SLC1A2: variants seen among roughly 807,000 people sequenced by gnomAD.
The protein encoded by SLC1A2 is excitatory amino acid transporter 2.
In SLC1A2, 15 loss-of-function variants were observed where a neutral mutation model predicts 48.8. That is an observed-to-expected ratio of 0.31 (90% CI 0.21 to 0.47). SLC1A2 has a LOEUF of 0.47. Ranked by LOEUF, SLC1A2 falls within the 20% of genes least tolerant of loss-of-function variation. The pLI, the probability that SLC1A2 is intolerant of heterozygous loss-of-function variation, is 0.99. For missense variants in SLC1A2, 502 were observed against 730.5 expected (o/e 0.69, Z 3.61); for synonymous variants, 279 against 272.6 (o/e 1.02, Z -0.23).
chr11:35,389,046 A>T (rs1019226245), intron 1 of SLC1A2, among the ~76,000 whole-genome samples: 3 of 152,204 alleles, frequency 2.0e-5, no homozygotes, highest in Non-Finnish European at 2.9e-5. Flanking sequence ...AGTATGCAAT[A>T]TACCCACGTA....
rs1347739600 is a variant in SLC1A2 at position 35,259,923 on chromosome 11, A to G, written c.*971T>C. The G allele has an allele frequency of 6.6e-6, 1 of 152,246 alleles. No individual in the cohort carries two copies. Among genetic ancestry groups the G allele is most frequent in the Admixed American group, 6.5e-5 (1 of 15,288 alleles). 9.4% of individuals were successfully genotyped at this position (152,246 alleles called of 1,614,324 possible). On this transcript the variant is annotated 3_prime_UTR_variant, in exon 11 of 11. Transcript: ENST00000278379. ...TAAAATGACCAGGCTTTCTAGGACG[A>G]TGAGATGATGACTGAAATAATTGAC...
chr11:35,307,904 G>A (rs755401487), intron 4 of SLC1A2, among the ~76,000 whole-genome samples: 1 of 152,136 alleles, frequency 6.6e-6, no homozygotes, highest in Non-Finnish European at 1.5e-5. Flanking sequence ...GGAAGCCTAG[G>A]GCCTGCTGTG....
chr11:35,317,764 C>T (rs190716476), intron 1 of SLC1A2, among the ~76,000 whole-genome samples: 1 of 152,134 alleles, frequency 6.6e-6, no homozygotes, highest in Admixed American at 6.5e-5. Context: ...AGAGTTGCCC[C>T]CCGTGGTAAC....
chr11:35,387,243 T>G (rs1344237890), intron 1 of SLC1A2, among the ~76,000 whole-genome samples: 1 of 152,016 alleles, frequency 6.6e-6, no homozygotes, highest in Admixed American at 6.6e-5. Flanking sequence ...CTGGGGTGGG[T>G]GGGGGAAGAA....
Position 35,312,351 on chromosome 11 carries a change from G to A in SLC1A2, c.408C>T (p.Val136=), listed in dbSNP as rs771023896. 6.2e-7 allele frequency: 1 copy of A among 1,614,142 alleles called. No individual in the cohort carries two copies. The highest frequency in any genetic ancestry group is 8.5e-7 in the Non-Finnish European group (1 of 1,180,008). Residue 136 remains valine, a synonymous_variant, in exon 4 of 11, where the codon GTC becomes GTT. Coordinates refer to ENST00000278379, the MANE Select transcript of SLC1A2 (RefSeq NM_004171.4). ...STTIIAAVLG[V]ILVLAIHPGN... is the part of the protein sequence containing the mutation. Reference sequence around the variant, plus strand: ...CTGGATGGATAGCCAAGACCAGAATGACCCCCAGTACTGCAGCAATGATGG... The same window carrying A: ...CTGGATGGATAGCCAAGACCAGAATAACCCCCAGTACTGCAGCAATGATGG...
intron 1 of SLC1A2, among the ~76,000 whole-genome samples, chr11:35,331,427 C>A (rs1021569481): frequency 1.3e-5 from 2 of 152,208 alleles, no homozygotes; most frequent in Non-Finnish European, 2.9e-5. Context: ...TCCCAGCAGT[C>A]CAGTCAGTTT....
chr11:35,305,218 C>T (rs1213917192), intron 5 of SLC1A2, among the ~76,000 whole-genome samples: 1 of 152,148 alleles, frequency 6.6e-6, no homozygotes. Flanking sequence ...GGTAATAAAC[C>T]TCTGTCCCTC....
rs914169507 is a variant in SLC1A2, at chr11:35,301,707, A to T, written c.731-62T>A. The T allele has an allele frequency of 3.4e-6, 5 of 1,492,172 alleles. No individual in the cohort carries two copies. In the East Asian group the frequency reaches 1.1e-4, roughly 34 times the overall value. The allele number at this position is 1,492,172 out of a possible 1,614,324, so 92.4% of individuals were successfully genotyped here. On this transcript the variant is annotated intron_variant, in intron 5 of 10. Coordinates refer to ENST00000278379, the MANE Select transcript of SLC1A2 (RefSeq NM_004171.4). ...ACAAAAAATGTACTTTTTCTCCCTCATTCTTTACCATTCCCAATGTATGGA... is the reference window on the plus strand; with the variant it reads ...ACAAAAAATGTACTTTTTCTCCCTCTTTCTTTACCATTCCCAATGTATGGA...
chr11:35,319,046 T>TA (rs1289867699), intron 1 of SLC1A2, among the ~76,000 whole-genome samples: 1 of 152,248 alleles, frequency 6.6e-6, no homozygotes, highest in Non-Finnish European at 1.5e-5. Flanking sequence ...CTTAATGGCC[T>TA]AATTTTCTAT....
intron 9 of SLC1A2, among the ~76,000 whole-genome samples, chr11:35,278,506 C>T (rs111660132): frequency 0.042 from 6,420 of 151,782 alleles, 444 homozygotes; most frequent in African/African-American, 0.15. Flanking sequence ...CTTGAACTCC[C>T]GACCTCAGGT....
intron 7 of SLC1A2, among the ~76,000 whole-genome samples, chr11:35,289,551 G>A (rs1850929683): frequency 6.6e-6 from 1 of 151,606 alleles, no homozygotes; most frequent in African/African-American, 2.4e-5. Context: ...TACAAATTTG[G>A]GCCATGCAAA....
In SLC1A2 at chr11:35,419,021, A is replaced by T. The variant is rs1855699231; in HGVS notation, c.-55T>A. 2.6e-6 allele frequency: 4 copies of T among 1,519,334 alleles called. No homozygotes were observed. The highest frequency in any genetic ancestry group is 3.6e-6 in the Non-Finnish European group (4 of 1,123,742). 94.1% of individuals were successfully genotyped at this position (1,519,334 alleles called of 1,614,324 possible). On this transcript the variant is annotated 5_prime_UTR_variant, in exon 1 of 11. Transcript: ENST00000278379. This position sits in a 1 kb window ranked among gnomAD's most constrained non-coding sequence, Gnocchi z 5.4. ...ACTATCCGGCAGCTGTGGGCGAGGG[A>T]GAAAGCGGACGCCGGGGTGAGCGCG...
At chr11:35,266,266 CT>C (rs1950482837) in intron 9 of SLC1A2, among the ~76,000 whole-genome samples, 1 of 152,136 alleles carries the variant, frequency 6.6e-6, no homozygotes, top group Non-Finnish European at 1.5e-5. Flanking sequence ...AAAAGTCATT[CT>C]TTTTGTAAGA....
chr11:35,317,680 G>A (rs1287763036), intron 1 of SLC1A2, among the ~76,000 whole-genome samples, 164 bp from the exon 2 acceptor site: 2 of 152,138 alleles, frequency 1.3e-5, no homozygotes, highest in Admixed American at 6.5e-5. Context: ...CAGGACAGGA[G>A]GACACACTGA....
chr11:35,378,071 G>A (rs1354368687), intron 1 of SLC1A2, among the ~76,000 whole-genome samples: 2 of 152,224 alleles, frequency 1.3e-5, no homozygotes, highest in African/African-American at 4.8e-5. Context: ...CAAGCTCCCA[G>A]AAATCCAAAC....
chr11:35,304,867 C>T (rs915876944), intron 5 of SLC1A2, among the ~76,000 whole-genome samples: 14 of 152,144 alleles, frequency 9.2e-5, no homozygotes, highest in African/African-American at 3.4e-4. Flanking sequence ...CACTAAAAAA[C>T]TATTTGCTTT....
chr11:35,293,085 T>C (rs1851063994), intron 6 of SLC1A2, among the ~76,000 whole-genome samples: 1 of 152,328 alleles, frequency 6.6e-6, no homozygotes, highest in African/African-American at 2.4e-5. Flanking sequence ...AAGTCTTTTT[T>C]CCATACTTAT....
At chr11:35,345,704 C>T (rs1236514657) in intron 1 of SLC1A2, among the ~76,000 whole-genome samples, 2 of 152,030 alleles carry the variant, frequency 1.3e-5, no homozygotes, top group African/African-American at 2.4e-5. Context: ...CTTTCCCTGT[C>T]TCTTAAAAAA....
intron 10 of SLC1A2, 58 bp downstream of exon 10, chr11:35,265,469 A>G (rs77479359): frequency 1.2e-6 from 1 of 864,984 alleles, no homozygotes; most frequent in South Asian, 1.6e-5. Flanking sequence ...TTTTTTTTAA[A>G]GAAATCAAGC....
Sources: gnomAD v4.1 joint callset for allele counts (sites outside exome capture counted in the v4.1 genomes callset) on GRCh38, gnomAD v4.1.1 for gene constraint, Gnocchi (gnomAD v3.1) non-coding constraint, MANE v1.5 for transcripts, NCBI Gene and HGNC (gene_info 2026-07-23, HGNC 2026-07-21) for gene names.